INSC: variants seen among roughly 807,000 people sequenced by gnomAD.
INSC encodes the protein INSC spindle orientation adaptor protein.
In INSC, 67 loss-of-function variants were observed where a neutral mutation model predicts 58.6. The ratio of observed to expected loss-of-function variants is 1.14; its 90% CI spans 0.94 to 1.40. The LOEUF (loss-of-function observed/expected upper bound fraction) is 1.40. Ranked by LOEUF, INSC falls within the 40% of genes most tolerant of loss-of-function variation. The probability of loss-of-function intolerance (pLI) is 0.00; values close to 1 mark genes in which losing one functional copy is unlikely to be tolerated. For synonymous variants in INSC, 262 were observed against 276.1 expected, an observed-to-expected ratio of 0.95 and a Z score of 0.51; for missense variants, 714 against 692.0, an observed-to-expected ratio of 1.03 and a Z score of -0.36.
intron 10 of INSC, among the ~76,000 whole-genome samples, chr11:15,238,467 A>C (rs779788509): frequency 3.9e-5 from 6 of 152,116 alleles, no homozygotes; most frequent in Non-Finnish European, 5.9e-5. Flanking sequence ...TCGTTTTCTT[A>C]ATCCTAAATG....
chr11:15,121,873 T>C (rs544191583), intron 1 of INSC, among the ~76,000 whole-genome samples: 2 of 152,342 alleles, frequency 1.3e-5, no homozygotes, highest in East Asian at 3.9e-4. Flanking sequence ...TGGGAGGCTC[T>C]GCAAGCTGGC....
chr11:15,199,885 T>G (rs1034162759), intron 6 of INSC, among the ~76,000 whole-genome samples: 2 of 152,206 alleles, frequency 1.3e-5, no homozygotes, highest in Non-Finnish European at 2.9e-5. Context: ...CAGTTAGTGC[T>G]GCCACTGGTT....
At chr11:15,255,055 C>G in the INSC span, among the ~76,000 whole-genome samples, 2 of 152,140 alleles carry the variant, frequency 1.3e-5, no homozygotes, top group Non-Finnish European at 2.9e-5. Flanking sequence ...AATAAGGGAA[C>G]TGAGGCTTAG....
rs566053687 is a variant in INSC at position 15,149,054 on chromosome 11, G to C, written c.-45-76G>C. Reference sequence around the variant, plus strand: ...TCTTTGTCTGCTTTGGTTCCTTGTGGCCTGGGACTGGGAGAGAAAGTGATT... The same window carrying C: ...TCTTTGTCTGCTTTGGTTCCTTGTGCCCTGGGACTGGGAGAGAAAGTGATT... On this transcript the variant is annotated intron_variant, in intron 1 of 12. Transcript: ENST00000379556. 2.7e-6 allele frequency: 4 copies of C among 1,459,068 alleles called. No homozygotes were observed. In the South Asian group the frequency reaches 6.0e-5, roughly 22 times the overall value. 90.4% of individuals were successfully genotyped at this position (1,459,068 alleles called of 1,614,324 possible).
intron 5 of INSC, among the ~76,000 whole-genome samples, chr11:15,180,587 C>CA (rs1849735136): frequency 6.7e-6 from 1 of 149,920 alleles, no homozygotes; most frequent in Non-Finnish European, 1.5e-5. Flanking sequence ...CAGGTCTGAC[C>CA]ACCTGGTTCA....
chr11:15,174,696 G>A (rs115785758), intron 2 of INSC, among the ~76,000 whole-genome samples: 1 of 152,358 alleles, frequency 6.6e-6, no homozygotes, highest in African/African-American at 2.4e-5. Flanking sequence ...GTTGTGAAAT[G>A]ATAGTGAAAT....
chr11:15,188,967 T>C (rs1564893031), intron 5 of INSC, among the ~76,000 whole-genome samples: 1 of 152,214 alleles, frequency 6.6e-6, no homozygotes, highest in Non-Finnish European at 1.5e-5. Context: ...TGGTTATTAA[T>C]TTTACCTTTT....
At chr11:15,238,829 G>C in intron 10 of INSC, 90 bp from the exon 11 acceptor site, 1 of 1,387,444 alleles carries the variant, frequency 7.2e-7, no homozygotes, top group Non-Finnish European at 9.9e-7. Flanking sequence ...GACAGCCTTT[G>C]CTTGCACCCT....
chr11:15,188,901 G>C (rs770339682), intron 5 of INSC, among the ~76,000 whole-genome samples: 7 of 152,180 alleles, frequency 4.6e-5, no homozygotes, highest in Non-Finnish European at 1.0e-4. Context: ...TTGTGGTAAT[G>C]GTGGGGAAGA....
At chr11:15,197,437 T>C (rs1384797771) in intron 6 of INSC, among the ~76,000 whole-genome samples, 2 of 152,228 alleles carry the variant, frequency 1.3e-5, no homozygotes, top group Admixed American at 6.5e-5. Flanking sequence ...CTGACAGTGA[T>C]GCAGGAGCTG....
rs1849553002 is a variant in INSC, at chr11:15,175,849, A to C, written c.165A>C (p.Glu55Asp). The C allele has an allele frequency of 6.2e-7, 1 of 1,613,466 alleles. No homozygotes were observed. The highest frequency in any genetic ancestry group is 1.3e-5 in the African/African-American group (1 of 74,934). The change falls in exon 3 of 13, where the codon GAA (glutamate) becomes GAC (aspartate). Residue 55 changes from glutamate (E) to aspartate (D), a missense_variant. Coordinates refer to ENST00000379556, the MANE Select transcript of INSC (RefSeq NM_001042536.3). ...CVLQAKPISLEEDAQGDLILA... is the reference protein window; with the variant it reads ...CVLQAKPISLDEDAQGDLILA... ...TGCAGGCCAAGCCCATCAGCCTGGA[A>C]GAGGATGCACAGGGTGACCTCATCC...
At chr11:15,121,080 G>T (rs540103594) in intron 1 of INSC, among the ~76,000 whole-genome samples, 8 of 150,762 alleles carry the variant, frequency 5.3e-5, no homozygotes, top group Non-Finnish European at 8.9e-5. Context: ...AAATGTTTAT[G>T]TTTCTGATTA....
the INSC span, among the ~76,000 whole-genome samples, chr11:15,256,758 G>A: frequency 6.7e-3 from 1,015 of 152,210 alleles, 13 homozygotes; most frequent in African/African-American, 0.023. Context: ...AAAGTGCTGG[G>A]ATTACACGGG....
chr11:15,142,814 TG>T (rs1848403454), intron 1 of INSC, among the ~76,000 whole-genome samples: 1 of 152,144 alleles, frequency 6.6e-6, no homozygotes, highest in Admixed American at 6.6e-5. Context: ...TTTGTTTTTT[TG>T]TATATATATT....
chr11:15,127,485 G>A (rs927532689), intron 1 of INSC, among the ~76,000 whole-genome samples: 5 of 152,194 alleles, frequency 3.3e-5, no homozygotes, highest in Admixed American at 6.5e-5. Flanking sequence ...ACCAGGGTTC[G>A]CGTCAATGCT....
chr11:15,125,501 T>C (rs2133694252), intron 1 of INSC, among the ~76,000 whole-genome samples: 1 of 152,238 alleles, frequency 6.6e-6, no homozygotes, highest in South Asian at 2.1e-4. Context: ...GTGATTTAGG[T>C]GAGAGATGAT....
At chr11:15,207,917 G>C (rs1404371515) in intron 7 of INSC, among the ~76,000 whole-genome samples, 1 of 152,144 alleles carries the variant, frequency 6.6e-6, no homozygotes, top group Non-Finnish European at 1.5e-5. Context: ...GGAAAGGATA[G>C]AGATACTGGG....
chr11:15,201,661 G>A (rs909881493), intron 7 of INSC, among the ~76,000 whole-genome samples: 2 of 152,202 alleles, frequency 1.3e-5, no homozygotes, highest in South Asian at 4.1e-4. Flanking sequence ...AGGGACTCCA[G>A]CCAGGAGAGC....
At chr11:15,146,583 T>C (rs572048393) in intron 1 of INSC, among the ~76,000 whole-genome samples, 1 of 152,172 alleles carries the variant, frequency 6.6e-6, no homozygotes, top group African/African-American at 2.4e-5. Context: ...CTGGGGTGCT[T>C]TAAAAAATCA....
Sources: gnomAD v4.1 joint callset for allele counts (sites outside exome capture counted in the v4.1 genomes callset) on GRCh38, gnomAD v4.1.1 for gene constraint, MANE v1.5 for transcripts, NCBI Gene and HGNC (gene_info 2026-07-23, HGNC 2026-07-21) for gene names.